Variants in ADAD2 observed in about 807,000 individuals in gnomAD.
ADAD2 encodes the protein adenosine deaminase domain containing 2.
Under a neutral mutation model 54.5 loss-of-function variants are expected in ADAD2, and 60 were observed. That is an observed-to-expected ratio of 1.10 (90% CI 0.89 to 1.36). The LOEUF (loss-of-function observed/expected upper bound fraction) is 1.36. Among genes scored for constraint, ADAD2 ranks in the 40% most tolerant of loss-of-function variants. ADAD2 has a pLI of 0.00. For synonymous variants in ADAD2, 543 were observed against 366.2 expected, an observed-to-expected ratio of 1.48 and a Z score of -5.51; for missense variants, 1,103 against 801.3, an observed-to-expected ratio of 1.38 and a Z score of -4.54.
chr16:84,194,283 G>T, intron 1 of ADAD2, 159 bp from the exon 2 acceptor site: 6 of 1,549,178 alleles, frequency 3.9e-6, no homozygotes, highest in Non-Finnish European at 5.2e-6. Context: ...GGGTGTGCGC[G>T]GCATGGGGTG....
chr16:84,191,332 G>C lies in ADAD2; in HGVS notation c.102G>C (p.Pro34=). 1 of 1,580,568 alleles carries C rather than the reference G, an allele frequency of 6.3e-7. No homozygotes were observed. Among genetic ancestry groups the C allele is most frequent in the Non-Finnish European group, 8.6e-7 (1 of 1,164,056 alleles). ...GCCCCCAGCCCCGCCCCTGGCGACC[G>C]CTACCCGCCCAGGCCCAAAGTGCCT... is the stretch of plus-strand genomic sequence containing the variant. ...QISPQPRPWR[P]LPAQAQSAWG... Residue 34 remains proline (P), a synonymous_variant, in exon 1 of 10, where the codon CCG becomes CCC. Coordinates refer to ENST00000315906, the MANE Select transcript of ADAD2 (RefSeq NM_001145400.2).
rs1160770284 is a variant in ADAD2, at chr16:84,196,740, G to A, written c.1620G>A (p.Leu540=). 3.1e-6 allele frequency: 5 copies of A among 1,612,702 alleles called. No homozygotes were observed. Among genetic ancestry groups the A allele is most frequent in the Non-Finnish European group, 4.2e-6 (5 of 1,179,776 alleles). The part of the protein sequence containing the change: ...AARAVGKPYL[L]ALKTYEAAKA... ...GGGCTGTGGGGAAGCCCTACCTCCT[G>A]GCCTTGAAGACCTACGAGGCTGCCA... is the stretch of plus-strand genomic sequence containing the variant. The change falls in exon 9 of 10, where the codon CTG becomes CTA. Residue 540 remains leucine (L), a synonymous_variant. Transcript: ENST00000315906.
In ADAD2 at chr16:84,191,207, C is replaced by T. The variant is rs1035766899; in HGVS notation, c.-24C>T. The T allele has an allele frequency of 3.7e-6, 6 of 1,601,888 alleles. No homozygotes were observed. The highest frequency in any genetic ancestry group is 2.7e-5 in the African/African-American group (2 of 74,510). On this transcript the variant is annotated 5_prime_UTR_variant, in exon 1 of 10. Coordinates refer to ENST00000315906, the MANE Select transcript of ADAD2 (RefSeq NM_001145400.2). ...GAGAGCAGCGCGAGATAGGGCCTAG[C>T]GCCTCAGATCTTCGTTGGCGGCCAT...
At chr16:84,191,721 C>A in intron 1 of ADAD2, 73 bp downstream of exon 1, 1 of 1,535,136 alleles carries the variant, frequency 6.5e-7, no homozygotes, top group South Asian at 1.2e-5. Context: ...ACGTGGGGAG[C>A]AGGGGGTCTG....
chr16:84,195,875 T>C lies in ADAD2; in HGVS notation c.1113T>C (p.His371=), dbSNP rs762014062. Reference sequence around the variant, plus strand: ...GCCCACCCATGCGCCTGCAGGCCCATGTGCTCGGGCAGCTGAAGCCTGTGT... The same window carrying C: ...GCCCACCCATGCGCCTGCAGGCCCACGTGCTCGGGCAGCTGAAGCCTGTGT... ...PHSPPMRLQA[H]VLGQLKPVCY... The change falls in exon 7 of 10, where the codon CAT becomes CAC. Residue 371 remains histidine (H), a synonymous_variant. Transcript: ENST00000315906. 38 of 1,604,924 alleles carry C rather than the reference T, an allele frequency of 2.4e-5. No homozygotes were observed. The highest frequency in any genetic ancestry group is 3.1e-5 in the Non-Finnish European group (37 of 1,179,308).
chr16:84,196,447 A>T, intron 8 of ADAD2, 77 bp downstream of exon 8: 1 of 1,558,574 alleles, frequency 6.4e-7, no homozygotes, highest in Non-Finnish European at 8.7e-7. Flanking sequence ...TCCTCACCTC[A>T]GTCTAATCCC....
chr16:84,195,600 C>T lies in ADAD2; in HGVS notation c.955C>T (p.Pro319Ser). ...GGGCAAGGAGCAGTCCGTGCTGGCC[C>T]CCCAGCCAGGGCCCGGACCCCCATT... ...PKGKEQSVLA[P>S]QPGPGPPFTL... The change falls in exon 6 of 10, where the codon CCC becomes TCC. Residue 319 changes from proline to serine, a missense_variant. By Grantham distance (74) the Pro-to-Ser change is moderately conservative. Coordinates refer to ENST00000315906, the MANE Select transcript of ADAD2 (RefSeq NM_001145400.2). 1 of 1,604,636 alleles carries T rather than the reference C, an allele frequency of 6.2e-7. No individual in the cohort carries two copies. Among genetic ancestry groups the T allele is most frequent in the Non-Finnish European group, 8.5e-7 (1 of 1,176,004 alleles).
At position 84,197,072 on chromosome 16, in the gene ADAD2, C is replaced by T. The variant is rs74476969; in HGVS notation, c.*98C>T. ...CGTTGTGGGGAGAACATGGGTTGTG[C>T]GGGGTGAAACTGGGGCTGGAGGGAA... On this transcript the variant is annotated 3_prime_UTR_variant, in exon 10 of 10. Coordinates refer to ENST00000315906, the MANE Select transcript of ADAD2 (RefSeq NM_001145400.2). The T allele has an allele frequency of 1.2e-5, 15 of 1,247,350 alleles. No homozygotes were observed. Among genetic ancestry groups the T allele is most frequent in the South Asian group, 5.5e-5 (4 of 72,952 alleles). The allele number at this position is 1,247,350 out of a possible 1,614,324, so 77.3% of individuals were successfully genotyped here.
In ADAD2 at chr16:84,195,430, C is replaced by A; in HGVS notation, c.868C>A (p.Arg290Ser). Reference sequence around the variant, plus strand: ...CGACTGCCATGGCCTGGTCATCGCCCGCAGGGCCCTGCTGAGGTGAGGGGC... The same window carrying A: ...CGACTGCCATGGCCTGGTCATCGCCAGCAGGGCCCTGCTGAGGTGAGGGGC... ...LHDCHGLVIA[R>S]RALLRFLFRQ... is the part of the protein sequence containing the mutation. Residue 290 changes from arginine (R) to serine (S), a missense_variant, in exon 5 of 10, where the codon CGC becomes AGC. By Grantham distance (110) the Arg-to-Ser change is moderately radical. Transcript: ENST00000315906. 6.2e-7 allele frequency: 1 copy of A among 1,609,704 alleles called. No individual in the cohort carries two copies.
In ADAD2 at chr16:84,195,559, C is replaced by T. The variant is rs1188966588; in HGVS notation, c.914C>T (p.Thr305Ile). ...RFLFRQLLLA[T>I]QGGPKGKEQS... Reference sequence around the variant, plus strand: ...TTGTTCCGGCAGCTCCTGCTGGCCACACAGGGGGGCCCCAAGGGCAAGGAG... The same window carrying T: ...TTGTTCCGGCAGCTCCTGCTGGCCATACAGGGGGGCCCCAAGGGCAAGGAG... Residue 305 changes from threonine to isoleucine, a missense_variant, in exon 6 of 10, where the codon ACA becomes ATA. Coordinates refer to ENST00000315906, the MANE Select transcript of ADAD2 (RefSeq NM_001145400.2). 1 of 1,598,912 alleles carries T rather than the reference C, an allele frequency of 6.3e-7. No homozygotes were observed. Among genetic ancestry groups the T allele is most frequent in the Non-Finnish European group, 8.5e-7 (1 of 1,172,546 alleles).
rs2089649484 is a variant in ADAD2, at chr16:84,191,374, G to A, written c.144G>A (p.Ala48=). ...AAAGTGCCTGGGGGCCCGCGCCCGC[G>A]CCCGCGACGTATCGCGCGGAGGGCG... ...QAQSAWGPAP[A]PATYRAEGGW... Residue 48 remains alanine, a synonymous_variant, in exon 1 of 10, where the codon GCG becomes GCA. Coordinates refer to ENST00000315906, the MANE Select transcript of ADAD2 (RefSeq NM_001145400.2). 3.3e-6 allele frequency: 5 copies of A among 1,527,658 alleles called. No homozygotes were observed. The highest frequency in any genetic ancestry group is 3.5e-6 in the Non-Finnish European group (4 of 1,142,556). 94.6% of individuals were successfully genotyped at this position (1,527,658 alleles called of 1,614,324 possible). A position where few individuals can be genotyped will look rare whatever the true frequency, so the allele number is the denominator to read the frequency against.
At chr16:84,196,411 G>C (rs2089731438) in intron 8 of ADAD2, 41 bp downstream of exon 8, 4 of 1,584,568 alleles carry the variant, frequency 2.5e-6, no homozygotes, top group Non-Finnish European at 3.4e-6. Flanking sequence ...GAGCAGTGCT[G>C]GTGATGGAGG....
chr16:84,193,316 A>AT (rs1168353403), intron 1 of ADAD2: 1 of 152,184 alleles, frequency 6.6e-6, no homozygotes, highest in Non-Finnish European at 1.5e-5. Context: ...GTTAGCTGTC[A>AT]TGCCTCTTTA....
rs751345024 is a variant in ADAD2, at chr16:84,195,356, G to A, written c.794G>A (p.Gly265Asp). Residue 265 changes from glycine (G) to aspartate (D), a missense_variant, in exon 5 of 10, where the codon GGC becomes GAC. Gly to Asp is a moderately conservative substitution (Grantham distance 94, BLOSUM62 -1). Coordinates refer to ENST00000315906, the MANE Select transcript of ADAD2 (RefSeq NM_001145400.2). ...TACAAGCTGGTGGCTCTGGGCACCGGCAGCAGCTGCTGTGCTGGCTGGCTG... is the reference window on the plus strand; with the variant it reads ...TACAAGCTGGTGGCTCTGGGCACCGACAGCAGCTGCTGTGCTGGCTGGCTG... ...EIYKLVALGT[G>D]SSCCAGWLEF... is the part of the protein sequence containing the mutation. 17 of 1,609,086 alleles carry A rather than the reference G, an allele frequency of 1.1e-5. 1 individual carries two copies. The South Asian group carries it at 1.8e-4, about 17-fold the overall frequency.
At position 84,191,387 on chromosome 16, in the gene ADAD2, C is replaced by G. The variant is rs766206664; in HGVS notation, c.157C>G (p.Arg53Gly). 1 of 1,510,140 alleles carries G rather than the reference C, an allele frequency of 6.6e-7. No individual in the cohort carries two copies. Among genetic ancestry groups the G allele is most frequent in the African/African-American group, 1.4e-5 (1 of 71,606 alleles). 93.5% of individuals were successfully genotyped at this position (1,510,140 alleles called of 1,614,324 possible). ...WGPAPAPATY[R>G]AEGGWPQVSV... ...GCCCGCGCCCGCGCCCGCGACGTAT[C>G]GCGCGGAGGGCGGGTGGCCCCAGGT... The change falls in exon 1 of 10, where the codon CGC (arginine) becomes GGC (glycine). Residue 53 changes from arginine (R) to glycine (G), a missense_variant. Physicochemically the swap from Arg to Gly is moderately radical, Grantham distance 125. Transcript: ENST00000315906.
In ADAD2 at chr16:84,195,887, G is replaced by T. The variant is rs1246143279; in HGVS notation, c.1125G>T (p.Gln375His). The change falls in exon 7 of 10, where the codon CAG becomes CAT. Residue 375 changes from glutamine to histidine, a missense_variant. Gln to His is a conservative substitution (Grantham distance 24). Coordinates refer to ENST00000315906, the MANE Select transcript of ADAD2 (RefSeq NM_001145400.2). ...GCCTGCAGGCCCATGTGCTCGGGCA[G>T]CTGAAGCCTGTGTGCTACGTGGCGC... The part of the protein sequence containing the change: ...PMRLQAHVLG[Q>H]LKPVCYVAPS... 6.2e-7 allele frequency: 1 copy of T among 1,603,730 alleles called. No individual in the cohort carries two copies.
intron 5 of ADAD2, 39 bp downstream of exon 5, chr16:84,195,485 G>T (rs186696978): frequency 8.7e-6 from 14 of 1,605,212 alleles, no homozygotes; most frequent in Middle Eastern, 1.7e-4. Context: ...AGCAGCCTTC[G>T]CCAGGACAAG....
At chr16:84,194,408 A>G (rs755515138) in intron 1 of ADAD2, 34 bp from the exon 2 acceptor site, 2 of 1,592,926 alleles carry the variant, frequency 1.3e-6, no homozygotes, top group Admixed American at 1.7e-5. Context: ...GGCGAAGGCC[A>G]GGGGGCTGCT....
Position 84,197,099 on chromosome 16 carries a change from G to A in ADAD2, c.*125G>A. On this transcript the variant is annotated 3_prime_UTR_variant, in exon 10 of 10. Coordinates refer to ENST00000315906, the MANE Select transcript of ADAD2 (RefSeq NM_001145400.2). The stretch of plus-strand genomic sequence containing the variant: ...GGGTGAAACTGGGGCTGGAGGGAAG[G>A]AGGAGCCTGCTGTGGTTGGGAGGCG... The A allele has an allele frequency of 1.0e-6, 1 of 974,476 alleles. No individual in the cohort carries two copies. 60.4% of individuals were successfully genotyped at this position (974,476 alleles called of 1,614,324 possible).
Sources: gnomAD v4.1 joint callset for allele counts on GRCh38, gnomAD v4.1.1 for gene constraint, MANE v1.5 for transcripts, NCBI Gene and HGNC (gene_info 2026-07-23, HGNC 2026-07-21) for gene names.